The following GNG7 variants were observed in gnomAD, a reference collection of about 807,000 sequenced individuals.
GNG7 encodes G protein subunit gamma 7, also known as guanine nucleotide-binding protein G(I)/G(S)/G(O) subunit gamma-7.
GNG7 carries 1 observed loss-of-function variant against 4.0 expected under a neutral mutation model. The ratio of observed to expected loss-of-function variants is 0.25; its 90% CI spans 0.09 to 1.18. GNG7 has a LOEUF of 1.18. Ranked by LOEUF, GNG7 falls within the 50% of genes most tolerant of loss-of-function variation. The probability of loss-of-function intolerance (pLI) is 0.50; values close to 1 mark genes in which losing one functional copy is unlikely to be tolerated. For missense variants in GNG7, 86 were observed against 91.9 expected, an observed-to-expected ratio of 0.94 and a Z score of 0.26; for synonymous variants, 34 against 36.9, an observed-to-expected ratio of 0.92 and a Z score of 0.29.
intron 3 of GNG7, among the ~76,000 whole-genome samples, chr19:2,527,362 G>A (rs1161910572): frequency 6.6e-6 from 1 of 152,160 alleles, no homozygotes; most frequent in Non-Finnish European, 1.5e-5. Context: ...AGGGAGTTTT[G>A]GTGTCGCGCA....
intron 1 of GNG7, among the ~76,000 whole-genome samples, chr19:2,668,123 A>G (rs903061620): frequency 2.6e-5 from 4 of 152,080 alleles, no homozygotes; most frequent in Non-Finnish European, 5.9e-5. Context: ...TTGGATGTGA[A>G]TACTAAGGAA....
intron 1 of GNG7, among the ~76,000 whole-genome samples, chr19:2,663,480 C>T (rs1346198318): frequency 2.6e-5 from 4 of 152,160 alleles, no homozygotes; most frequent in South Asian, 2.1e-4. Context: ...TCCCTAGAAC[C>T]GTTAAGAAAC....
intron 1 of GNG7, among the ~76,000 whole-genome samples, chr19:2,661,301 AG>A (rs1462618023): frequency 0.039 from 318 of 8,094 alleles, 5 homozygotes; most frequent in Non-Finnish European, 0.054. Context: ...AAAGAAAGAA[AG>A]AGAAAGAAAG....
At chr19:2,599,138 C>A (rs1052574089) in intron 2 of GNG7, among the ~76,000 whole-genome samples, 1 of 152,182 alleles carries the variant, frequency 6.6e-6, no homozygotes, top group Non-Finnish European at 1.5e-5. Context: ...GGGCGTGCCG[C>A]TGGTTGCTCC....
chr19:2,583,603 C>T (rs10407949), intron 2 of GNG7, among the ~76,000 whole-genome samples: 56,566 of 152,054 alleles, frequency 0.37, 12,220 homozygotes, highest in African/African-American at 0.58. Flanking sequence ...TTTCCCATTC[C>T]GCTCAGCAGG....
intron 1 of GNG7, among the ~76,000 whole-genome samples, chr19:2,670,883 G>A (rs568740000): frequency 1.3e-5 from 2 of 152,006 alleles, no homozygotes; most frequent in African/African-American, 4.8e-5. Context: ...ACAAAGAGAC[G>A]GCGTCCCATG....
rs149893500 is a variant in GNG7 at position 2,600,356 on chromosome 19, T to C, written c.-77-45168A>G. Among the ~76,000 whole-genome samples, 1,019 of 152,216 alleles carry C rather than the reference T, an allele frequency of 6.7e-3. 7 individuals are homozygous for C. The highest frequency in any genetic ancestry group is 0.024 in the African/African-American group (979 of 41,554). On this transcript the variant is annotated intron_variant, in intron 2 of 4. Transcript: ENST00000382159. ...GCTTAATAGAAGACAGCTGGATTCT[T>C]GTATAAGCCTCTGAGTTCAATCCAC... is the stretch of plus-strand genomic sequence containing the variant.
chr19:2,702,522 C>G (rs957694412), intron 1 of GNG7, 124 bp downstream of exon 1: 1 of 152,204 alleles, frequency 6.6e-6, no homozygotes, highest in African/African-American at 2.4e-5. Context: ...CAGACCCAGC[C>G]CCCCTCCTCA....
At chr19:2,602,566 G>T (rs1367385819) in intron 2 of GNG7, among the ~76,000 whole-genome samples, 1 of 152,236 alleles carries the variant, frequency 6.6e-6, no homozygotes, top group Non-Finnish European at 1.5e-5. Context: ...CTGTGGCCTC[G>T]CACAGGCGGA....
At chr19:2,681,332 CG>C (rs1202948836) in intron 1 of GNG7, among the ~76,000 whole-genome samples, 1 of 151,972 alleles carries the variant, frequency 6.6e-6, no homozygotes, top group African/African-American at 2.4e-5. Context: ...TACAGGCGCC[CG>C]CCACCACGCC....
chr19:2,635,935 T>G (rs141444328), intron 2 of GNG7, among the ~76,000 whole-genome samples: 153 of 152,296 alleles, frequency 1.0e-3, no homozygotes, highest in African/African-American at 3.6e-3. Context: ...TTGGGGACAT[T>G]TGTGGTTGTC....
At chr19:2,559,640 G>A (rs1568243417) in intron 2 of GNG7, among the ~76,000 whole-genome samples, 1 of 151,890 alleles carries the variant, frequency 6.6e-6, no homozygotes, top group Non-Finnish European at 1.5e-5. Context: ...TCAGCCTCCC[G>A]AGTAGCTGGG....
intron 3 of GNG7, chr19:2,537,970 A>C: frequency 2.7e-6 from 1 of 367,072 alleles, no homozygotes; most frequent in Non-Finnish European, 5.4e-6. Context: ...CCAGCTACTC[A>C]GGAGGCTGAG....
rs1334524361 is a variant in GNG7, at chr19:2,611,586, C to A, written c.-78+34638G>T. 1 of 152,226 alleles carries A rather than the reference C, an allele frequency of 6.6e-6. No individual in the cohort carries two copies. The highest frequency in any genetic ancestry group is 1.5e-5 in the Non-Finnish European group (1 of 68,074). 9.4% of individuals were successfully genotyped at this position (152,226 alleles called of 1,614,324 possible). On this transcript the variant is annotated intron_variant, in intron 2 of 4. Coordinates refer to ENST00000382159, the MANE Select transcript of GNG7 (RefSeq NM_052847.3). The surrounding 1 kb of genome is among the most constrained non-coding windows in gnomAD (Gnocchi z 6.0). ...GTGCAATGGCTCACGCCTGTAATCC[C>A]AGCACTTGGAGAGGCCAAGGTGGGA...
chr19:2,671,908 G>A (rs1041855561), intron 1 of GNG7, among the ~76,000 whole-genome samples: 8 of 151,742 alleles, frequency 5.3e-5, no homozygotes, highest in Middle Eastern at 3.4e-3. Flanking sequence ...AAAATTAGCC[G>A]GGCGTGGCAG....
chr19:2,673,037 A>ACC (rs1983497033), intron 1 of GNG7, among the ~76,000 whole-genome samples: 2 of 151,652 alleles, frequency 1.3e-5, no homozygotes, highest in African/African-American at 4.8e-5. Context: ...CGGGCAGATC[A>ACC]CAAGGTCAGG....
intron 1 of GNG7, among the ~76,000 whole-genome samples, chr19:2,674,811 T>A (rs988758942): frequency 1.3e-5 from 2 of 152,060 alleles, no homozygotes; most frequent in Non-Finnish European, 2.9e-5. Flanking sequence ...AAAACAGAGA[T>A]CTCCTTATGT....
chr19:2,642,468 C>T (rs1334164707), intron 2 of GNG7: 5 of 330,370 alleles, frequency 1.5e-5, no homozygotes, highest in African/African-American at 4.3e-5. Flanking sequence ...GGGGCTCAAG[C>T]GATCCTCCCA....
At chr19:2,661,681 A>G (rs1247980243) in intron 1 of GNG7, among the ~76,000 whole-genome samples, 1 of 151,488 alleles carries the variant, frequency 6.6e-6, no homozygotes, top group Non-Finnish European at 1.5e-5. Context: ...AAAAAAAAAA[A>G]AAAAAAAAAA....
Sources: gnomAD v4.1 joint callset for allele counts (sites outside exome capture counted in the v4.1 genomes callset) on GRCh38, gnomAD v4.1.1 for gene constraint, Gnocchi (gnomAD v3.1) non-coding constraint, MANE v1.5 for transcripts, NCBI Gene and HGNC (gene_info 2026-07-23, HGNC 2026-07-21) for gene names.